The following NKAIN2 variants were observed in gnomAD, a reference collection of about 807,000 sequenced individuals.
NKAIN2 encodes the protein sodium/potassium transporting ATPase interacting 2, also known as sodium/potassium-transporting ATPase subunit beta-1-interacting protein 2.
A neutral mutation model predicts 32.6 loss-of-function variants in NKAIN2; 14 were observed. The observed-to-expected ratio is 0.43, with a 90% CI of 0.28 to 0.67. The LOEUF is 0.67. Among genes scored for constraint, NKAIN2 ranks in the 30% least tolerant of loss-of-function variants. NKAIN2 has a pLI of 0.17. For missense variants in NKAIN2, 198 were observed against 258.3 expected (o/e 0.77, Z 1.60); for synonymous variants, 80 against 87.2 (o/e 0.92, Z 0.46).
intron 2 of NKAIN2, among the ~76,000 whole-genome samples, chr6:124,296,889 T>TA (rs1190159741): frequency 2.0e-5 from 3 of 152,098 alleles, no homozygotes; most frequent in South Asian, 2.1e-4. Flanking sequence ...CGGACACACA[T>TA]AAAAAAAGTA....
chr6:124,380,902 C>A (rs947054662), intron 3 of NKAIN2, among the ~76,000 whole-genome samples: 12 of 152,132 alleles, frequency 7.9e-5, no homozygotes, highest in Non-Finnish European at 1.5e-4. Flanking sequence ...ATTGATATGG[C>A]CCAGATTCCA....
intron 3 of NKAIN2, among the ~76,000 whole-genome samples, chr6:124,499,725 G>A (rs1778209890): frequency 6.6e-6 from 1 of 152,212 alleles, no homozygotes; most frequent in Admixed American, 6.5e-5. Context: ...AAAGCTCTGT[G>A]AGGATTTATA....
At chr6:124,212,474 C>T (rs1791234717) in intron 1 of NKAIN2, among the ~76,000 whole-genome samples, 1 of 151,958 alleles carries the variant, frequency 6.6e-6, no homozygotes, top group Non-Finnish European at 1.5e-5. Context: ...AGTATTCTCA[C>T]CTAGGAATTG....
At chr6:123,896,996 A>G (rs904400403) in intron 1 of NKAIN2, among the ~76,000 whole-genome samples, 2 of 152,088 alleles carry the variant, frequency 1.3e-5, no homozygotes, top group East Asian at 3.9e-4. Context: ...GTATCACCCT[A>G]CTTGACTCAG....
chr6:123,854,627 A>G (rs915306629), intron 1 of NKAIN2, among the ~76,000 whole-genome samples: 2 of 152,216 alleles, frequency 1.3e-5, no homozygotes, highest in Non-Finnish European at 2.9e-5. Flanking sequence ...GCAACCCTAC[A>G]AAGTTCTCAT....
intron 3 of NKAIN2, among the ~76,000 whole-genome samples, chr6:124,640,140 A>C (rs1266509442): frequency 6.6e-6 from 1 of 152,118 alleles, no homozygotes; most frequent in Non-Finnish European, 1.5e-5. Flanking sequence ...GGAGCCAAGC[A>C]CAGACACTAT....
In NKAIN2 at chr6:124,794,445, G is replaced by A. The variant is rs185221895; in HGVS notation, c.535+3046G>A. On this transcript the variant is annotated intron_variant, in intron 5 of 6. Coordinates refer to ENST00000368417, the MANE Select transcript of NKAIN2 (RefSeq NM_001040214.3). Reference sequence around the variant, plus strand: ...AAGTTATCTCTCAATCATCTAATAAGCCTTTTTCCCCTGAAAGACTCCAAA... The same window carrying A: ...AAGTTATCTCTCAATCATCTAATAAACCTTTTTCCCCTGAAAGACTCCAAA... Among the ~76,000 whole-genome samples, 24 of 152,172 alleles carry A rather than the reference G, an allele frequency of 1.6e-4. 2 individuals carry two copies. The East Asian group carries it at 3.7e-3, about 23-fold the overall frequency.
intron 3 of NKAIN2, among the ~76,000 whole-genome samples, chr6:124,413,160 C>G (rs535953270): frequency 6.6e-6 from 1 of 152,172 alleles, no homozygotes; most frequent in African/African-American, 2.4e-5. Context: ...GGCTCACACA[C>G]GGTGAGCTGC....
chr6:124,107,358 C>G (rs947467744), intron 1 of NKAIN2, among the ~76,000 whole-genome samples: 1 of 151,870 alleles, frequency 6.6e-6, no homozygotes, highest in Non-Finnish European at 1.5e-5. Context: ...GGTAGAAAAC[C>G]AATTGTAGGA....
intron 4 of NKAIN2, among the ~76,000 whole-genome samples, chr6:124,738,450 A>G (rs901530554): frequency 6.6e-6 from 1 of 151,996 alleles, no homozygotes; most frequent in Non-Finnish European, 1.5e-5. Context: ...GCAAAATTAT[A>G]ACATTTGCTT....
chr6:124,027,222 C>A (rs191017528), intron 1 of NKAIN2, among the ~76,000 whole-genome samples: 67 of 151,772 alleles, frequency 4.4e-4, no homozygotes, highest in African/African-American at 1.4e-3. Context: ...TCACTGCAAC[C>A]TCCGCCTCCC....
intron 2 of NKAIN2, among the ~76,000 whole-genome samples, chr6:124,292,197 C>T (rs913267684): frequency 6.6e-6 from 1 of 152,172 alleles, no homozygotes; most frequent in Admixed American, 6.6e-5. Flanking sequence ...ACTTTACACA[C>T]TGACCTTTGG....
intron 1 of NKAIN2, among the ~76,000 whole-genome samples, chr6:124,065,433 A>T (rs1313796355): frequency 2.6e-5 from 4 of 152,182 alleles, no homozygotes; most frequent in African/African-American, 9.6e-5. Flanking sequence ...ATAGTATTAG[A>T]TGGTGGTGCC....
At chr6:124,490,324 G>A in intron 3 of NKAIN2, 1 of 418,434 alleles carries the variant, frequency 2.4e-6, no homozygotes, top group Non-Finnish European at 4.7e-6. Flanking sequence ...ATGACACCAA[G>A]TAAACACTTT....
At chr6:124,338,346 A>G (rs1797967869) in intron 2 of NKAIN2, among the ~76,000 whole-genome samples, 1 of 152,200 alleles carries the variant, frequency 6.6e-6, no homozygotes, top group Non-Finnish European at 1.5e-5. Context: ...CCAATTTTTA[A>G]GGGAGCAATG....
intron 1 of NKAIN2, among the ~76,000 whole-genome samples, chr6:124,021,708 C>A (rs1029605807): frequency 2.0e-4 from 31 of 151,964 alleles, no homozygotes; most frequent in African/African-American, 7.2e-4. Context: ...CTATATATAT[C>A]TATACATATA....
At chr6:124,070,239 T>C (rs949935852) in intron 1 of NKAIN2, among the ~76,000 whole-genome samples, 1 of 152,188 alleles carries the variant, frequency 6.6e-6, no homozygotes, top group Admixed American at 6.5e-5. Flanking sequence ...TGAATCTGTT[T>C]TTGTCCAGAG....
At chr6:124,756,756 T>G (rs1484623121) in intron 4 of NKAIN2, among the ~76,000 whole-genome samples, 1 of 152,164 alleles carries the variant, frequency 6.6e-6, no homozygotes, top group East Asian at 1.9e-4. Flanking sequence ...CCAGGAGCTC[T>G]GGTGCTTTTT....
At chr6:124,811,085 T>C (rs1261577036) in intron 5 of NKAIN2, among the ~76,000 whole-genome samples, 1 of 152,154 alleles carries the variant, frequency 6.6e-6, no homozygotes, top group Non-Finnish European at 1.5e-5. Context: ...GTTCCTTTTG[T>C]ATTACTGGAG....
Sources: gnomAD v4.1 joint callset for allele counts (sites outside exome capture counted in the v4.1 genomes callset) on GRCh38, gnomAD v4.1.1 for gene constraint, MANE v1.5 for transcripts, NCBI Gene and HGNC (gene_info 2026-07-23, HGNC 2026-07-21) for gene names.